The following MAP2 variants were observed in gnomAD, a reference collection of about 807,000 sequenced individuals.
The protein encoded by MAP2 is microtubule-associated protein 2.
A neutral mutation model predicts 137.6 loss-of-function variants in MAP2; 14 were observed. The observed-to-expected ratio is 0.10, with a 90% CI of 0.07 to 0.16. The LOEUF (loss-of-function observed/expected upper bound fraction) is 0.16, where lower values mean the gene tolerates loss of function less well. MAP2 is among the 10% of genes least tolerant of loss of function. The pLI is 1.00. For synonymous variants in MAP2, 786 were observed against 782.3 expected, an observed-to-expected ratio of 1.00 and a Z score of -0.08; for missense variants, 2,088 against 2,191.5, an observed-to-expected ratio of 0.95 and a Z score of 0.94.
At chr2:209,692,581 G>A (rs772518168) in intron 7 of MAP2, 44 bp from the exon 8 acceptor site, 31 of 1,508,260 alleles carry the variant, frequency 2.1e-5, no homozygotes, top group Middle Eastern at 1.8e-4. Flanking sequence ...TTTCCTGAAC[G>A]CACTTGCCTA....
At chr2:209,500,233 T>A (rs763990871) in intron 1 of MAP2, among the ~76,000 whole-genome samples, 24 of 152,184 alleles carry the variant, frequency 1.6e-4, no homozygotes, top group Admixed American at 4.6e-4. Context: ...ACCTACAAAA[T>A]TAAATATGTT....
chr2:209,590,653 T>A (rs995298465), intron 3 of MAP2, among the ~76,000 whole-genome samples: 3 of 152,188 alleles, frequency 2.0e-5, no homozygotes, highest in Non-Finnish European at 2.9e-5. Flanking sequence ...ATAAAAATTT[T>A]AAAAATTGAA....
chr2:209,593,084 C>T (rs2079711075), intron 3 of MAP2, among the ~76,000 whole-genome samples: 1 of 151,444 alleles, frequency 6.6e-6, no homozygotes, highest in South Asian at 2.1e-4. Context: ...TATTTAGGTA[C>T]TCATATATTA....
intron 3 of MAP2, among the ~76,000 whole-genome samples, chr2:209,620,025 A>G (rs917956096): frequency 6.6e-6 from 1 of 152,136 alleles, no homozygotes; most frequent in East Asian, 1.9e-4. Context: ...TTGAGCCACA[A>G]GAAGGATGTA....
chr2:209,492,286 A>T (rs1179344762), intron 1 of MAP2, among the ~76,000 whole-genome samples: 24 of 152,216 alleles, frequency 1.6e-4, no homozygotes, highest in Admixed American at 1.6e-3. Flanking sequence ...GATGAAACAT[A>T]TCTCAAAATA....
intron 5 of MAP2, among the ~76,000 whole-genome samples, chr2:209,677,970 G>A (rs2052719866): frequency 6.6e-6 from 1 of 151,804 alleles, no homozygotes; most frequent in South Asian, 2.1e-4. Flanking sequence ...ACCATAAATA[G>A]ATTTTCAGAT....
intron 11 of MAP2, 58 bp downstream of exon 11, chr2:209,700,396 A>T (rs1224959402): frequency 7.7e-7 from 1 of 1,300,872 alleles, no homozygotes; most frequent in East Asian, 2.3e-5. Context: ...TATTAGCTGT[A>T]ACATCAGAAT....
intron 3 of MAP2, among the ~76,000 whole-genome samples, chr2:209,621,306 T>C (rs1248671930): frequency 6.8e-6 from 1 of 146,140 alleles, no homozygotes; most frequent in African/African-American, 2.6e-5. Flanking sequence ...TCACCCAGGC[T>C]GGAGTACAAT....
intron 7 of MAP2, among the ~76,000 whole-genome samples, chr2:209,684,393 G>A (rs1225228572): frequency 6.6e-6 from 1 of 152,206 alleles, no homozygotes; most frequent in African/African-American, 2.4e-5. Flanking sequence ...TCAAAAGCTG[G>A]CAGAATGGAA....
chr2:209,730,631 A>G lies in MAP2; in HGVS notation c.*234A>G, dbSNP rs2075666730. The G allele has an allele frequency of 3.9e-6, 2 of 513,188 alleles. No homozygotes were observed. Among genetic ancestry groups the G allele is most frequent in the East Asian group, 3.5e-5 (1 of 28,390 alleles). 31.8% of individuals were successfully genotyped at this position (513,188 alleles called of 1,614,324 possible). ...GGCTTTACATGGGTTCAATTGGACA[A>G]TTATTTTTGCTCTGCTCTGTTTTGC... On this transcript the variant is annotated 3_prime_UTR_variant, in exon 16 of 16. Transcript: ENST00000682079.
chr2:209,622,732 G>A (rs1454392376), intron 3 of MAP2, among the ~76,000 whole-genome samples: 2 of 152,084 alleles, frequency 1.3e-5, no homozygotes, highest in Non-Finnish European at 2.9e-5. Context: ...AATTTCGTAT[G>A]CCTTGTGGAA....
intron 1 of MAP2, among the ~76,000 whole-genome samples, chr2:209,451,729 T>G (rs558769122): frequency 6.2e-4 from 95 of 152,322 alleles, no homozygotes; most frequent in African/African-American, 2.1e-3. Context: ...TGCTGCTGGG[T>G]GTATGTAGGC....
chr2:209,600,213 C>T (rs2082577894), intron 3 of MAP2, among the ~76,000 whole-genome samples: 1 of 152,156 alleles, frequency 6.6e-6, no homozygotes, highest in African/African-American at 2.4e-5. Context: ...CACACATCGA[C>T]AGGTGAAAAG....
chr2:209,575,803 T>G (rs2075286539), intron 2 of MAP2, among the ~76,000 whole-genome samples: 1 of 152,096 alleles, frequency 6.6e-6, no homozygotes, highest in Admixed American at 6.6e-5. Context: ...CTCGTGGAAC[T>G]AGCGGGGTGA....
chr2:209,636,620 CAG>C (rs1031708693), intron 4 of MAP2, among the ~76,000 whole-genome samples: 5 of 151,458 alleles, frequency 3.3e-5, no homozygotes, highest in Non-Finnish European at 7.4e-5. Flanking sequence ...GAAAATATAA[CAG>C]CGTAATACAT....
At position 209,699,942 on chromosome 2, in the gene MAP2, C is replaced by A. The variant is rs539750404; in HGVS notation, c.4523-335C>A. Among the ~76,000 whole-genome samples the A allele has an allele frequency of 5.9e-5, 9 of 152,252 alleles. 1 individual carries two copies. The South Asian group carries it at 1.9e-3, about 32-fold the overall frequency. On this transcript the variant is annotated intron_variant, in intron 10 of 15. Coordinates refer to ENST00000682079, the MANE Select transcript of MAP2 (RefSeq NM_001375505.1). ...TCTTTTTCTTAAATTTTGCAACATT[C>A]ACATTGCTATTCTGTAACTTCTGTT...
intron 1 of MAP2, among the ~76,000 whole-genome samples, chr2:209,503,026 G>A (rs1468939774): frequency 2.1e-5 from 3 of 144,804 alleles, no homozygotes; most frequent in Non-Finnish European, 4.5e-5. Context: ...TCTGAGACAG[G>A]GTCTCATTCT....
At chr2:209,641,853 A>C (rs543812624) in intron 4 of MAP2, among the ~76,000 whole-genome samples, 3 of 152,292 alleles carry the variant, frequency 2.0e-5, no homozygotes, top group Non-Finnish European at 4.4e-5. Flanking sequence ...TAAGTTGTAT[A>C]TCATGGTCAC....
chr2:209,542,428 A>G (rs1487212062), intron 2 of MAP2, among the ~76,000 whole-genome samples: 3 of 152,224 alleles, frequency 2.0e-5, no homozygotes, highest in African/African-American at 7.2e-5. Context: ...TGACTTCAAT[A>G]TCAAGTCACC....
Sources: allele counts gnomAD v4.1 joint callset (sites outside exome capture counted in the v4.1 genomes callset), GRCh38; gene constraint gnomAD v4.1.1; transcripts MANE v1.5; gene names NCBI Gene and HGNC (gene_info 2026-07-23, HGNC 2026-07-21).